LIMK1: variants seen among roughly 807,000 people sequenced by gnomAD.
The protein encoded by LIMK1 is LIM motif-containing protein kinase.
LIMK1 carries 21 observed loss-of-function variants against 77.6 expected under a neutral mutation model. That is an observed-to-expected ratio of 0.27 (90% confidence interval 0.19 to 0.39). LIMK1 has a LOEUF of 0.39. Among genes scored for constraint, LIMK1 ranks in the 10% least tolerant of loss-of-function variants. The probability of loss-of-function intolerance (pLI) is 1.00; values close to 1 mark genes in which losing one functional copy is unlikely to be tolerated. For synonymous variants in LIMK1, 358 were observed against 370.0 expected (o/e 0.97, Z 0.37); for missense variants, 696 against 901.6 (o/e 0.77, Z 2.92).
At chr7:74,106,705 A>G (rs562724313) in intron 7 of LIMK1, among the ~76,000 whole-genome samples, 2 of 152,260 alleles carry the variant, frequency 1.3e-5, no homozygotes, top group East Asian at 3.9e-4. Context: ...GGTTGCAGTG[A>G]GCCAAGGTCA....
At chr7:74,101,454 G>A (rs1799456868) in intron 5 of LIMK1, among the ~76,000 whole-genome samples, 1 of 152,210 alleles carries the variant, frequency 6.6e-6, no homozygotes, top group Non-Finnish European at 1.5e-5. Flanking sequence ...GCTGCAGCAA[G>A]CTATGATGAC....
In LIMK1 at chr7:74,106,990, G is replaced by T. The variant is rs553664186; in HGVS notation, c.882-20G>T. 2 of 1,551,054 alleles carry T rather than the reference G, an allele frequency of 1.3e-6. No homozygotes were observed. Among genetic ancestry groups the T allele is most frequent in the Non-Finnish European group, 1.7e-6 (2 of 1,148,148 alleles). Reference sequence around the variant, plus strand: ...GCTACCTGTCCCCCGGTGGCACTTGGCACCATGTGTGCCCCCCAGGAGGAG... The same window carrying T: ...GCTACCTGTCCCCCGGTGGCACTTGTCACCATGTGTGCCCCCCAGGAGGAG... On this transcript the variant is annotated intron_variant, in intron 7 of 15. Transcript: ENST00000336180.
chr7:74,112,642 G>C lies in LIMK1; in HGVS notation c.1410+644G>C, dbSNP rs148798227. 7.0e-3 allele frequency among the ~76,000 whole-genome samples: 1,069 copies of C among 151,806 alleles called. 15 individuals are homozygous for C. The highest frequency in any genetic ancestry group is 0.025 in the African/African-American group (1,017 of 41,422). On this transcript the variant is annotated intron_variant, in intron 12 of 15. Coordinates refer to ENST00000336180, the MANE Select transcript of LIMK1 (RefSeq NM_002314.4). ...CCAGCCTGGCCAACATGGCTAACACGGTGAAACCCCATCTCTACTAAAAAT... is the reference window on the plus strand; with the variant it reads ...CCAGCCTGGCCAACATGGCTAACACCGTGAAACCCCATCTCTACTAAAAAT...
chr7:74,091,954 CTTTTTTTTTTT>C (rs35254348), intron 2 of LIMK1, among the ~76,000 whole-genome samples: 1 of 80,624 alleles, frequency 1.2e-5, no homozygotes, highest in Non-Finnish European at 2.2e-5. Context: ...GGCTGTACAG[CTTTTTTTTTTT>C]TTTTTTTTTT....
chr7:74,105,366 A>G (rs757898470), intron 5 of LIMK1, among the ~76,000 whole-genome samples: 4 of 152,120 alleles, frequency 2.6e-5, no homozygotes, highest in Non-Finnish European at 5.9e-5. Flanking sequence ...AAAAAAAATT[A>G]GCTGGGTGTG....
At chr7:74,099,011 C>G (rs1799396332) in intron 4 of LIMK1, 21 bp from the exon 5 acceptor site, 1 of 1,591,382 alleles carries the variant, frequency 6.3e-7, no homozygotes, top group East Asian at 2.2e-5. Context: ...TCTTTTCTTC[C>G]CACCCCGGCG....
intron 10 of LIMK1, chr7:74,111,384 G>A (rs1043356524): frequency 6.2e-6 from 3 of 481,282 alleles, no homozygotes; most frequent in Non-Finnish European, 1.1e-5. Flanking sequence ...GTTGTAGGGA[G>A]CTGAGATGGT....
chr7:74,084,678 A>G (rs1799098849), intron 1 of LIMK1, among the ~76,000 whole-genome samples: 1 of 152,056 alleles, frequency 6.6e-6, no homozygotes, highest in African/African-American at 2.4e-5. Flanking sequence ...CTTGGCTGGG[A>G]GCATGACTCA....
chr7:74,086,719 A>G (rs565065915), intron 2 of LIMK1, among the ~76,000 whole-genome samples: 98 of 151,804 alleles, frequency 6.5e-4, no homozygotes, highest in African/African-American at 2.2e-3. Context: ...AGAGACCTCC[A>G]ATTGAGCCAG....
intron 12 of LIMK1, among the ~76,000 whole-genome samples, chr7:74,114,431 G>A (rs1268862217): frequency 6.6e-6 from 1 of 151,442 alleles, no homozygotes; most frequent in Non-Finnish European, 1.5e-5. Context: ...AGTATCTATA[G>A]TACCAGCTAC....
chr7:74,120,609 G>T lies in LIMK1; in HGVS notation c.1594G>T (p.Val532Leu). ...CCGCAGCTATGATGAGAAGGTGGAT[G>T]TGTTCTCCTTTGGGATCGTCCTGTG... ...NGRSYDEKVD[V>L]FSFGIVLCEI... The change falls in exon 14 of 16, where the codon GTG becomes TTG. Residue 532 changes from valine to leucine, a missense_variant. Physicochemically the swap from Val to Leu is conservative, Grantham distance 32. Around this residue, in one of 3 missense-constraint regions of LIMK1, gnomAD observed 438 missense variants for 602.3 expected, o/e 0.73. Coordinates refer to ENST00000336180, the MANE Select transcript of LIMK1 (RefSeq NM_002314.4). The T allele has an allele frequency of 6.2e-7, 1 of 1,614,238 alleles. No homozygotes were observed. Among genetic ancestry groups the T allele is most frequent in the Non-Finnish European group, 8.5e-7 (1 of 1,180,028 alleles).
At chr7:74,100,178 A>T (rs1799426123) in intron 5 of LIMK1, among the ~76,000 whole-genome samples, 1 of 152,098 alleles carries the variant, frequency 6.6e-6, no homozygotes. Flanking sequence ...AAGTGGCTAC[A>T]GTGAGCTATA....
rs782711964 is a variant in LIMK1, at chr7:74,109,147, A to G, written c.1284+111A>G. 4.7e-6 allele frequency: 4 copies of G among 847,788 alleles called. No individual in the cohort carries two copies. The African/African-American group carries it at 5.0e-5, about 11-fold the overall frequency. The allele number at this position is 847,788 out of a possible 1,614,324, so 52.5% of individuals were successfully genotyped here. The stretch of plus-strand genomic sequence containing the variant: ...ATGGGGGGAAGCCACAGGGGTCTCA[A>G]AGGCCCTCTGAACCCTGATTCCTAA... On this transcript the variant is annotated intron_variant, in intron 10 of 15. Coordinates refer to ENST00000336180, the MANE Select transcript of LIMK1 (RefSeq NM_002314.4).
intron 2 of LIMK1, among the ~76,000 whole-genome samples, chr7:74,088,202 C>T (rs1458073165): frequency 4.6e-5 from 7 of 152,176 alleles, no homozygotes; most frequent in African/African-American, 1.7e-4. Context: ...AAAATTGGGA[C>T]ACAGAGAGGT....
At chr7:74,084,794 G>A (rs979171188) in intron 1 of LIMK1, among the ~76,000 whole-genome samples, 1 of 152,072 alleles carries the variant, frequency 6.6e-6, no homozygotes, top group African/African-American at 2.4e-5. Context: ...GGGTCTGGGG[G>A]CCCCTCCTTG....
At chr7:74,104,635 AAAG>A (rs1799529715) in intron 5 of LIMK1, among the ~76,000 whole-genome samples, 1 of 152,060 alleles carries the variant, frequency 6.6e-6, no homozygotes. Flanking sequence ...CAAAAAAAAA[AAAG>A]AAAAGAAAAG....
At chr7:74,114,093 T>C (rs1202603912) in intron 12 of LIMK1, among the ~76,000 whole-genome samples, 3 of 151,802 alleles carry the variant, frequency 2.0e-5, no homozygotes, top group Non-Finnish European at 2.9e-5. Context: ...CTACTAAAAA[T>C]ACAAAAATTA....
chr7:74,099,680 C>T (rs1461199598), intron 5 of LIMK1, among the ~76,000 whole-genome samples: 5 of 151,508 alleles, frequency 3.3e-5, no homozygotes, highest in African/African-American at 4.9e-5. Context: ...CAGTGAGCCC[C>T]GACTGCCATT....
intron 5 of LIMK1, among the ~76,000 whole-genome samples, chr7:74,100,446 A>G (rs1799432139): frequency 6.6e-6 from 1 of 151,840 alleles, no homozygotes; most frequent in Non-Finnish European, 1.5e-5. Context: ...TTTTTTTGAG[A>G]CAGTCTCACT....
Sources: allele counts gnomAD v4.1 joint callset (sites outside exome capture counted in the v4.1 genomes callset), GRCh38; gene constraint gnomAD v4.1.1; regional missense constraint gnomAD v4.1.1; transcripts MANE v1.5; gene names NCBI Gene and HGNC (gene_info 2026-07-23, HGNC 2026-07-21).